The following CYP7B1 variants were observed in gnomAD, a reference collection of about 807,000 sequenced individuals.
CYP7B1 encodes cytochrome P450 family 7 subfamily B member 1, also known as cytochrome P450 7B1.
CYP7B1 carries 29 observed loss-of-function variants against 42.7 expected under a neutral mutation model. That is an observed-to-expected ratio of 0.68 (90% CI 0.51 to 0.93). CYP7B1 has a LOEUF of 0.93. CYP7B1 is among the 40% of genes least tolerant of loss of function. The pLI is 0.00. For synonymous variants in CYP7B1, 235 were observed against 218.2 expected (o/e 1.08, Z -0.68); for missense variants, 655 against 600.5 (o/e 1.09, Z -0.95).
intron 1 of CYP7B1, among the ~76,000 whole-genome samples, chr8:64,719,281 A>T (rs746098574): frequency 6.6e-6 from 1 of 152,214 alleles, no homozygotes; most frequent in Non-Finnish European, 1.5e-5. Context: ...TAAAATTTAC[A>T]TCATTAAGAT....
At chr8:64,682,219 A>G (rs1223364324) in intron 1 of CYP7B1, among the ~76,000 whole-genome samples, 2 of 152,168 alleles carry the variant, frequency 1.3e-5, no homozygotes, top group African/African-American at 4.8e-5. Flanking sequence ...TGCCAGAGTA[A>G]TAGGGTGCAG....
At chr8:64,792,987 C>G (rs534939875) in intron 1 of CYP7B1, among the ~76,000 whole-genome samples, 1 of 152,034 alleles carries the variant, frequency 6.6e-6, no homozygotes, top group Non-Finnish European at 1.5e-5. Context: ...CTATGTGGGC[C>G]TGGTGTAATC....
chr8:64,772,351 T>G (rs920157240), intron 1 of CYP7B1, among the ~76,000 whole-genome samples: 1 of 152,214 alleles, frequency 6.6e-6, no homozygotes, highest in Non-Finnish European at 1.5e-5. Flanking sequence ...TTTAGCTCCA[T>G]GGACTTTGAG....
At chr8:64,713,868 C>G (rs1490082235) in intron 1 of CYP7B1, among the ~76,000 whole-genome samples, 1 of 152,154 alleles carries the variant, frequency 6.6e-6, no homozygotes, top group East Asian at 1.9e-4. Flanking sequence ...TATGCTATCT[C>G]ATAGTGACTG....
At chr8:64,715,100 G>A (rs1807135241) in intron 1 of CYP7B1, among the ~76,000 whole-genome samples, 1 of 152,150 alleles carries the variant, frequency 6.6e-6, no homozygotes, top group Non-Finnish European at 1.5e-5. Context: ...TTTCCAAGGT[G>A]TCTACTTTGA....
At chr8:64,645,569 C>T (rs1268076831) in intron 1 of CYP7B1, among the ~76,000 whole-genome samples, 1 of 152,154 alleles carries the variant, frequency 6.6e-6, no homozygotes, top group Non-Finnish European at 1.5e-5. Context: ...AATGGAAGAA[C>T]ATTTCATGCT....
At position 64,705,231 on chromosome 8, in the gene CYP7B1, G is replaced by T. The variant is rs187176129; in HGVS notation, c.123-80692C>A. On this transcript the variant is annotated intron_variant, in intron 1 of 5. Coordinates refer to ENST00000310193, the MANE Select transcript of CYP7B1 (RefSeq NM_004820.5). ...ATAATCTGCATAATTCAAAAAGGTG[G>T]GGGGGGGAATCACCACCTTTTCATA... 2.2e-4 allele frequency among the ~76,000 whole-genome samples: 34 copies of T among 151,378 alleles called. No homozygotes were observed. The East Asian group carries it at 5.4e-3, about 24-fold the overall frequency.
chr8:64,723,141 T>C (rs111379083), intron 1 of CYP7B1, among the ~76,000 whole-genome samples: 2,052 of 152,266 alleles, frequency 0.013, 52 homozygotes, highest in African/African-American at 0.045. Context: ...GTTTTGGAAA[T>C]AGGCTTTCAA....
chr8:64,744,774 A>G (rs947010835), intron 1 of CYP7B1, among the ~76,000 whole-genome samples: 1 of 152,124 alleles, frequency 6.6e-6, no homozygotes, highest in Non-Finnish European at 1.5e-5. Context: ...AAATATCTCT[A>G]TTTGTGGGAA....
intron 1 of CYP7B1, among the ~76,000 whole-genome samples, chr8:64,712,518 A>AT (rs1001499020): frequency 1.7e-4 from 25 of 149,940 alleles, no homozygotes; most frequent in South Asian, 1.5e-3. Flanking sequence ...TGTGGAAAGG[A>AT]TTTTTTTTTT....
chr8:64,612,528 T>C (rs1805377857), intron 4 of CYP7B1, among the ~76,000 whole-genome samples: 1 of 152,138 alleles, frequency 6.6e-6, no homozygotes, highest in African/African-American at 2.4e-5. Context: ...AAATCTATCA[T>C]AACCTCTTAC....
At chr8:64,623,788 A>C (rs1485868923) in intron 2 of CYP7B1, among the ~76,000 whole-genome samples, 1 of 152,204 alleles carries the variant, frequency 6.6e-6, no homozygotes, top group Admixed American at 6.5e-5. Context: ...GAATAGGTGG[A>C]GCACAGGAAA....
chr8:64,789,754 C>T (rs775691741), intron 1 of CYP7B1, among the ~76,000 whole-genome samples: 54 of 152,240 alleles, frequency 3.5e-4, no homozygotes, highest in Non-Finnish European at 7.5e-4. Flanking sequence ...AGAAACCCTA[C>T]TTCAATGTAA....
chr8:64,638,489 A>G (rs1297731730), intron 1 of CYP7B1, among the ~76,000 whole-genome samples: 1 of 152,084 alleles, frequency 6.6e-6, no homozygotes, highest in African/African-American at 2.4e-5. Context: ...TTTTCTTTAT[A>G]GTTTTTTGGA....
At position 64,798,580 on chromosome 8, in the gene CYP7B1, C is replaced by T. The variant is rs1052965378; in HGVS notation, c.8G>A (p.Gly3Glu). 4.8e-6 allele frequency: 7 copies of T among 1,471,446 alleles called. No homozygotes were observed. Among genetic ancestry groups the T allele is most frequent in the African/African-American group, 3.0e-5 (2 of 67,494 alleles). The allele number at this position is 1,471,446 out of a possible 1,614,324, so 91.1% of individuals were successfully genotyped here. ...GCGGCCCGTGGCCGCGGACACTTCTCCTGCCATCCGGCGCGCGCTAGGCCG... is the reference window on the plus strand; with the variant it reads ...GCGGCCCGTGGCCGCGGACACTTCTTCTGCCATCCGGCGCGCGCTAGGCCG... MA[G>E]EVSAATGRFS... The change falls in exon 1 of 6, where the codon GGA becomes GAA. Residue 3 changes from glycine (G) to glutamate (E), a missense_variant. Transcript: ENST00000310193.
intron 1 of CYP7B1, among the ~76,000 whole-genome samples, chr8:64,797,165 C>T (rs555695208): frequency 3.9e-5 from 6 of 152,228 alleles, no homozygotes; most frequent in Admixed American, 3.9e-4. Flanking sequence ...GCCTACCTTG[C>T]CCTTTTGCCT....
chr8:64,610,618 T>C (rs1032354562), intron 4 of CYP7B1, among the ~76,000 whole-genome samples: 1 of 152,162 alleles, frequency 6.6e-6, no homozygotes, highest in African/African-American at 2.4e-5. Flanking sequence ...GTAACTTTTC[T>C]ATAAATCTAA....
rs1409908049 is a variant in CYP7B1 at position 64,593,229 on chromosome 8, CA to C, written c.*3412del. Among the ~76,000 whole-genome samples the C allele has an allele frequency of 8.3e-6, 1 of 121,140 alleles. No individual in the cohort carries two copies. 79.5% of individuals were successfully genotyped at this position (121,140 alleles called of 152,430 possible). A position where few individuals can be genotyped will look rare whatever the true frequency, so the allele number is the denominator to read the frequency against. On this transcript the variant is annotated 3_prime_UTR_variant, in exon 6 of 6. Coordinates refer to ENST00000310193, the MANE Select transcript of CYP7B1 (RefSeq NM_004820.5). The stretch of plus-strand genomic sequence containing the variant: ...TTGTGGTGGACTAAAGGCTAGGGCC[CA>C]GGGTGTGTGTGTGTGTGTGTGTGTG...
intron 2 of CYP7B1, among the ~76,000 whole-genome samples, chr8:64,622,204 T>C (rs1373530033): frequency 6.6e-6 from 1 of 150,990 alleles, no homozygotes; most frequent in East Asian, 1.9e-4. Context: ...CTGCATAAAA[T>C]GCATTATTTG....
Sources: gnomAD v4.1 joint callset for allele counts (sites outside exome capture counted in the v4.1 genomes callset) on GRCh38, gnomAD v4.1.1 for gene constraint, MANE v1.5 for transcripts, NCBI Gene and HGNC (gene_info 2026-07-23, HGNC 2026-07-21) for gene names.